Variants in CSMD1 observed in about 807,000 individuals in gnomAD.
CSMD1 encodes CUB and Sushi multiple domains 1, also known as CUB and sushi domain-containing protein 1.
Under a neutral mutation model 417.5 loss-of-function variants are expected in CSMD1, and 213 were observed. The observed-to-expected ratio is 0.51, with a 90% CI of 0.46 to 0.57. The LOEUF (loss-of-function observed/expected upper bound fraction) is 0.57. CSMD1 is among the 20% of genes least tolerant of loss of function. The probability of loss-of-function intolerance (pLI) is 0.00; values close to 1 mark genes in which losing one functional copy is unlikely to be tolerated. For synonymous variants in CSMD1, 2,862 were observed against 1,736.8 expected (o/e 1.65, Z -16.11); for missense variants, 6,923 against 4,529.7 (o/e 1.53, Z -15.17).
chr8:3,726,751 C>T (rs1173336314), intron 6 of CSMD1, among the ~76,000 whole-genome samples: 1 of 152,154 alleles, frequency 6.6e-6, no homozygotes, highest in African/African-American at 2.4e-5. Context: ...CAGTCCAGTT[C>T]TCATTCCTGA....
At chr8:3,879,096 T>C (rs999877267) in intron 5 of CSMD1, among the ~76,000 whole-genome samples, 1 of 152,186 alleles carries the variant, frequency 6.6e-6, no homozygotes, top group African/African-American at 2.4e-5. Context: ...CCCAAGCATG[T>C]AGTCATCTTC....
intron 2 of CSMD1, among the ~76,000 whole-genome samples, chr8:4,421,543 A>G (rs1038795535): frequency 1.3e-5 from 2 of 152,086 alleles, no homozygotes; most frequent in Non-Finnish European, 2.9e-5. Context: ...TGACAGAAAA[A>G]TATCTAATTA....
chr8:3,962,533 G>T (rs536975769), intron 5 of CSMD1, among the ~76,000 whole-genome samples: 1 of 152,132 alleles, frequency 6.6e-6, no homozygotes, highest in Non-Finnish European at 1.5e-5. Flanking sequence ...TAGGCTAATC[G>T]CAGGTAAGCA....
intron 49 of CSMD1, among the ~76,000 whole-genome samples, chr8:3,064,663 A>T (rs1812801789): frequency 6.6e-6 from 1 of 152,232 alleles, no homozygotes; most frequent in Admixed American, 6.5e-5. Flanking sequence ...TACAGTAAGC[A>T]AACCAGCTGC....
chr8:3,931,114 C>A (rs1199637084), intron 5 of CSMD1, among the ~76,000 whole-genome samples: 1 of 150,414 alleles, frequency 6.6e-6, no homozygotes, highest in South Asian at 2.2e-4. Context: ...AAAGCCTAGG[C>A]CGATATTGCA....
chr8:3,843,056 G>A (rs1258514481), intron 5 of CSMD1, among the ~76,000 whole-genome samples: 1 of 152,060 alleles, frequency 6.6e-6, no homozygotes, highest in Non-Finnish European at 1.5e-5. Flanking sequence ...CATGATAAAT[G>A]TTGTAATGAG....
At chr8:4,383,661 T>G (rs1803251474) in intron 3 of CSMD1, among the ~76,000 whole-genome samples, 1 of 152,106 alleles carries the variant, frequency 6.6e-6, no homozygotes, top group African/African-American at 2.4e-5. Flanking sequence ...CAGAGAAATA[T>G]TCCAAAGAAA....
intron 7 of CSMD1, among the ~76,000 whole-genome samples, chr8:3,690,120 A>G (rs2129032384): frequency 6.6e-6 from 1 of 152,332 alleles, no homozygotes; most frequent in Non-Finnish European, 1.5e-5. Flanking sequence ...GCACTTTAGG[A>G]GGCTGAGACC....
Position 2,950,329 on chromosome 8 carries a change from CCTT to C in CSMD1, c.10213_10215del (p.Lys3405del). 6.2e-7 allele frequency: 1 copy of C among 1,611,368 alleles called. No individual in the cohort carries two copies. Among genetic ancestry groups the C allele is most frequent in the Non-Finnish European group, 8.5e-7 (1 of 1,177,584 alleles). ...GCTTTCAGGAGTAAGTGGGCCTCCT[CCTT>C]CTTGTAAATGCCTGTGAAAAGATCA... is the stretch of plus-strand genomic sequence containing the variant. On this transcript the variant is annotated inframe_deletion, in exon 67 of 70. Coordinates refer to ENST00000635120, the MANE Select transcript of CSMD1 (RefSeq NM_033225.6).
At chr8:4,351,048 C>G (rs1333279099) in intron 3 of CSMD1, among the ~76,000 whole-genome samples, 1 of 152,118 alleles carries the variant, frequency 6.6e-6, no homozygotes, top group African/African-American at 2.4e-5. Context: ...ACAAATCTGC[C>G]TGGCTCAGAC....
At position 3,493,718 on chromosome 8, in the gene CSMD1, C is replaced by T. The variant is rs201131145; in HGVS notation, c.1353G>A (p.Lys451=). 1.2e-6 allele frequency: 2 copies of T among 1,609,618 alleles called. No individual in the cohort carries two copies. The highest frequency in any genetic ancestry group is 3.4e-5 in the Admixed American group (2 of 59,568). The change falls in exon 11 of 70, where the codon AAG becomes AAA. Residue 451 remains lysine (K), a synonymous_variant. Coordinates refer to ENST00000635120, the MANE Select transcript of CSMD1 (RefSeq NM_033225.6). ...CCAGCTCAAACTCTTCAAAGGCAAG[C>T]TTGATGACCTAAATACAAGGTACGA... ...ITTTDPDKVI[K]LAFEEFELER...
At chr8:3,178,597 C>T (rs1016358293) in intron 37 of CSMD1, among the ~76,000 whole-genome samples, 2 of 152,292 alleles carry the variant, frequency 1.3e-5, no homozygotes, top group East Asian at 3.9e-4. Flanking sequence ...CCCAGGAAGG[C>T]TAAAAATGCT....
intron 10 of CSMD1, among the ~76,000 whole-genome samples, chr8:3,508,196 G>C (rs987897923): frequency 6.6e-6 from 1 of 152,048 alleles, no homozygotes; most frequent in African/African-American, 2.4e-5. Flanking sequence ...TTGTCTCTTT[G>C]GTTGTCTAGA....
chr8:4,064,575 C>T (rs1450409334), intron 3 of CSMD1, among the ~76,000 whole-genome samples: 2 of 152,210 alleles, frequency 1.3e-5, no homozygotes, highest in African/African-American at 4.8e-5. Flanking sequence ...CCTACTTCCA[C>T]CCTGTCATAC....
At position 3,795,302 on chromosome 8, in the gene CSMD1, ATATATC is replaced by A. The variant is rs2129069568; in HGVS notation, c.819-41266_819-41261del. ...AGATATATATATCATGTACAGATAT[ATATATC>A]TATCATGTACAGATATAGATATCTA... On this transcript the variant is annotated intron_variant, in intron 5 of 69. Transcript: ENST00000635120. 2.8e-5 allele frequency among the ~76,000 whole-genome samples: 2 copies of A among 72,618 alleles called. 1 individual carries two copies. Among genetic ancestry groups the A allele is most frequent in the Non-Finnish European group, 5.2e-5 (2 of 38,618 alleles). 47.6% of individuals were successfully genotyped at this position (72,618 alleles called of 152,430 possible).
chr8:4,518,650 A>G (rs1350418610), intron 2 of CSMD1, among the ~76,000 whole-genome samples: 6 of 151,122 alleles, frequency 4.0e-5, no homozygotes, highest in Admixed American at 1.3e-4. Context: ...TCGCATTAGG[A>G]GATATACCTA....
At chr8:2,991,874 G>A (rs658089) in intron 54 of CSMD1, among the ~76,000 whole-genome samples, 29,096 of 152,006 alleles carry the variant, frequency 0.19, 5,803 homozygotes, top group African/African-American at 0.51. Context: ...AGAAGCAGTG[G>A]GTACAAAAGT....
intron 1 of CSMD1, among the ~76,000 whole-genome samples, chr8:4,891,410 C>CT (rs1181263593): frequency 3.3e-5 from 5 of 152,218 alleles, no homozygotes; most frequent in African/African-American, 1.2e-4. Context: ...GTACATTGAG[C>CT]TTTCATTCCT....
chr8:4,949,999 C>G (rs1416438848), intron 1 of CSMD1, among the ~76,000 whole-genome samples: 1 of 152,026 alleles, frequency 6.6e-6, no homozygotes. Context: ...TTGGTCACGA[C>G]TATTGATTGA....
Sources: allele counts gnomAD v4.1 joint callset (sites outside exome capture counted in the v4.1 genomes callset), GRCh38; gene constraint gnomAD v4.1.1; transcripts MANE v1.5; gene names NCBI Gene and HGNC (gene_info 2026-07-23, HGNC 2026-07-21).